The following RGS6 variants were observed in gnomAD, a reference collection of about 807,000 sequenced individuals.
RGS6 encodes the protein regulator of G-protein signaling 6.
A neutral mutation model predicts 78.5 loss-of-function variants in RGS6; 30 were observed. The ratio of observed to expected loss-of-function variants is 0.38; its 90% CI spans 0.29 to 0.52. RGS6 has a LOEUF of 0.52. RGS6 is among the 20% of genes least tolerant of loss of function. The pLI is 0.85. For synonymous variants in RGS6, 206 were observed against 206.0 expected, an observed-to-expected ratio of 1.00 and a Z score of 0.00; for missense variants, 495 against 609.7, an observed-to-expected ratio of 0.81 and a Z score of 1.98.
chr14:72,546,240 T>C (rs2097400699), intron 17 of RGS6, among the ~76,000 whole-genome samples: 1 of 152,264 alleles, frequency 6.6e-6, no homozygotes, highest in South Asian at 2.1e-4. Context: ...CTTCTTATCT[T>C]GACTCTGTGT....
intron 9 of RGS6, chr14:72,474,217 A>G (rs2096171604): frequency 6.4e-6 from 1 of 155,802 alleles, no homozygotes; most frequent in African/African-American, 2.4e-5. Flanking sequence ...TTTCCTCATG[A>G]AATGGAACTA....
intron 2 of RGS6, among the ~76,000 whole-genome samples, chr14:72,048,221 G>A (rs1469436500): frequency 6.6e-6 from 1 of 152,104 alleles, no homozygotes; most frequent in African/African-American, 2.4e-5. Context: ...TCACTTTAAC[G>A]GGGTTACCAA....
chr14:72,548,354 T>C (rs895388864), intron 17 of RGS6, among the ~76,000 whole-genome samples: 141 of 133,880 alleles, frequency 1.1e-3, no homozygotes, highest in African/African-American at 3.3e-3. Flanking sequence ...CGCGCGTGTG[T>C]GTGTGTGTGT....
intron 2 of RGS6, among the ~76,000 whole-genome samples, chr14:72,348,288 A>C (rs973982708): frequency 1.3e-5 from 2 of 152,264 alleles, no homozygotes; most frequent in African/African-American, 4.8e-5. Flanking sequence ...TGGCCTTGCC[A>C]CTTACTAGCT....
At chr14:72,472,465 G>A (rs572638951) in intron 8 of RGS6, among the ~76,000 whole-genome samples, 16 of 152,308 alleles carry the variant, frequency 1.1e-4, no homozygotes, top group Non-Finnish European at 2.4e-4. Context: ...ATGGAACACT[G>A]GCAAGATGGT....
Position 72,412,576 on chromosome 14 carries a change from C to G in RGS6, c.185-41952C>G, listed in dbSNP as rs958012227. ...TTGTGTCTCTATCTCCTTCAGTTCT[C>G]CTCTGATCTTAGTTATTTCTTGCCT... On this transcript the variant is annotated intron_variant, in intron 3 of 17. Transcript: ENST00000553525. Among the ~76,000 whole-genome samples, 43 of 152,000 alleles carry G rather than the reference C, an allele frequency of 2.8e-4. No homozygotes were observed. In the South Asian group the frequency reaches 3.3e-3, roughly 12 times the overall value.
At chr14:72,530,530 A>AT (rs1261873500) in intron 15 of RGS6, among the ~76,000 whole-genome samples, 1 of 152,088 alleles carries the variant, frequency 6.6e-6, no homozygotes, top group Non-Finnish European at 1.5e-5. Flanking sequence ...TCTACTAAAA[A>AT]ATATATAAAA....
At chr14:72,439,150 C>G (rs145616121) in intron 3 of RGS6, among the ~76,000 whole-genome samples, 2 of 152,222 alleles carry the variant, frequency 1.3e-5, no homozygotes, top group South Asian at 2.1e-4. Context: ...TTCATTATTG[C>G]GCTGTTTTTC....
chr14:72,621,885 G>A, the RGS6 span, among the ~76,000 whole-genome samples: 1 of 152,230 alleles, frequency 6.6e-6, no homozygotes, highest in African/African-American at 2.4e-5. Flanking sequence ...TGGGACATGG[G>A]AGGAAGAGCA....
intron 3 of RGS6, among the ~76,000 whole-genome samples, chr14:72,357,555 C>A (rs1185736798): frequency 6.6e-6 from 1 of 152,162 alleles, no homozygotes; most frequent in Non-Finnish European, 1.5e-5. Flanking sequence ...CAAAGATAAC[C>A]CTCGTTATGC....
chr14:71,982,081 A>C (rs961266348), intron 2 of RGS6, among the ~76,000 whole-genome samples: 90 of 152,246 alleles, frequency 5.9e-4, no homozygotes, highest in Non-Finnish European at 1.1e-3. Context: ...TTCTTTGACT[A>C]GGAAAGGGAA....
chr14:72,223,722 C>T (rs1244460422), intron 2 of RGS6, among the ~76,000 whole-genome samples: 2 of 152,210 alleles, frequency 1.3e-5, no homozygotes, highest in African/African-American at 4.8e-5. Flanking sequence ...AATGGGGTTG[C>T]TTCAAATGAT....
chr14:71,959,330 GAAAA>G (rs148847698), intron 1 of RGS6, among the ~76,000 whole-genome samples: 1 of 149,312 alleles, frequency 6.7e-6, no homozygotes, highest in Non-Finnish European at 1.5e-5. Context: ...GCTGATGTCA[GAAAA>G]AAAAAATCCA....
At chr14:72,011,618 G>A (rs915061529) in intron 2 of RGS6, among the ~76,000 whole-genome samples, 5 of 151,986 alleles carry the variant, frequency 3.3e-5, no homozygotes, top group Non-Finnish European at 7.4e-5. Flanking sequence ...ACCCAATAGA[G>A]TATAACAACT....
chr14:71,881,824 T>C, the RGS6 span, among the ~76,000 whole-genome samples: 1 of 152,194 alleles, frequency 6.6e-6, no homozygotes, highest in African/African-American at 2.4e-5. Context: ...TATCTGACAA[T>C]TGGACAGTAT....
chr14:72,518,343 C>T lies in RGS6; in HGVS notation c.1092-8C>T. The T allele has an allele frequency of 6.2e-7, 1 of 1,611,594 alleles. No homozygotes were observed. The highest frequency in any genetic ancestry group is 8.5e-7 in the Non-Finnish European group (1 of 1,178,268). On this transcript the variant is annotated splice_polypyrimidine_tract_variant and splice_region_variant and intron_variant, in intron 14 of 17. Transcript: ENST00000553525. ...CTGGAACTGACTGTGTTTCTGCTCCCACTTCAGGTTCTGGCTGGCTGTCCA... is the reference window on the plus strand; with the variant it reads ...CTGGAACTGACTGTGTTTCTGCTCCTACTTCAGGTTCTGGCTGGCTGTCCA...
intron 3 of RGS6, 93 bp from the exon 4 acceptor site, chr14:72,454,435 T>C: frequency 1.5e-6 from 2 of 1,319,672 alleles, no homozygotes; most frequent in South Asian, 2.4e-5. Flanking sequence ...TGTGGACTGT[T>C]TGGAATTAGG....
At chr14:72,244,489 G>A (rs193211637) in intron 2 of RGS6, among the ~76,000 whole-genome samples, 59 of 152,234 alleles carry the variant, frequency 3.9e-4, no homozygotes, top group Non-Finnish European at 7.2e-4. Context: ...TGACTGCACC[G>A]GATCTTAGTG....
chr14:72,182,978 C>G (rs1318530720), intron 2 of RGS6, among the ~76,000 whole-genome samples: 1 of 152,160 alleles, frequency 6.6e-6, no homozygotes, highest in Non-Finnish European at 1.5e-5. Flanking sequence ...ATGACCCACC[C>G]CGGGCTAGCA....
Sources: gnomAD v4.1 joint callset for allele counts (sites outside exome capture counted in the v4.1 genomes callset) on GRCh38, gnomAD v4.1.1 for gene constraint, MANE v1.5 for transcripts, NCBI Gene and HGNC (gene_info 2026-07-23, HGNC 2026-07-21) for gene names.